The following ZNF169 variants were observed in gnomAD, a reference collection of about 807,000 sequenced individuals.
ZNF169 encodes the protein zinc finger protein 169.
A neutral mutation model predicts 12.0 loss-of-function variants in ZNF169; 11 were observed. The ratio of observed to expected loss-of-function variants is 0.92; its 90% CI spans 0.58 to 1.52. The LOEUF (loss-of-function observed/expected upper bound fraction) is 1.52. Among genes scored for constraint, ZNF169 ranks in the 40% most tolerant of loss-of-function variants. The probability of loss-of-function intolerance (pLI) is 0.00; values close to 1 mark genes in which losing one functional copy is unlikely to be tolerated. For missense variants in ZNF169, 722 were observed against 744.0 expected (o/e 0.97, Z 0.34); for synonymous variants, 302 against 286.5 (o/e 1.05, Z -0.55).
intron 2 of ZNF169, among the ~76,000 whole-genome samples, chr9:94,290,172 A>G (rs527784068): frequency 6.6e-6 from 1 of 152,358 alleles, no homozygotes; most frequent in South Asian, 2.1e-4. Context: ...TTCAACAACC[A>G]TTTGTAAACA....
chr9:94,293,476 G>A (rs1830890576), intron 4 of ZNF169: 3 of 429,412 alleles, frequency 7.0e-6, no homozygotes, highest in Non-Finnish European at 1.2e-5. Flanking sequence ...GAGTGCAATG[G>A]CATGATCTCG....
intron 4 of ZNF169, chr9:94,299,534 A>C (rs1191946337): frequency 1.5e-6 from 2 of 1,332,492 alleles, no homozygotes; most frequent in Non-Finnish European, 1.9e-6. Flanking sequence ...GAGCTGGAGC[A>C]AAAGCAAGGG....
chr9:94,260,969 G>C (rs1830195423), intron 1 of ZNF169, among the ~76,000 whole-genome samples: 1 of 151,176 alleles, frequency 6.6e-6, no homozygotes, highest in Non-Finnish European at 1.5e-5. Context: ...ACAGGCGCCC[G>C]CCACCACGCC....
At chr9:94,268,747 C>A (rs561782711) in intron 1 of ZNF169, among the ~76,000 whole-genome samples, 6 of 149,384 alleles carry the variant, frequency 4.0e-5, no homozygotes, top group African/African-American at 1.5e-4. Flanking sequence ...GATCACACCA[C>A]CGCACTCCAG....
At chr9:94,259,919 A>C (rs1385285971) in intron 1 of ZNF169, among the ~76,000 whole-genome samples, 1 of 152,010 alleles carries the variant, frequency 6.6e-6, no homozygotes, top group African/African-American at 2.4e-5. Flanking sequence ...TTTATTTTTG[A>C]AACAGAGTCT....
chr9:94,261,360 G>T (rs969737726), intron 1 of ZNF169, among the ~76,000 whole-genome samples: 7 of 152,120 alleles, frequency 4.6e-5, no homozygotes, highest in African/African-American at 1.7e-4. Flanking sequence ...GGCTGGTCTT[G>T]AACTCCTGAC....
chr9:94,299,051 A>AT (rs1831004249), intron 4 of ZNF169, among the ~76,000 whole-genome samples: 1 of 152,192 alleles, frequency 6.6e-6, no homozygotes, highest in African/African-American at 2.4e-5. Flanking sequence ...AATTCACCAG[A>AT]TTTTTTTAAA....
chr9:94,298,455 C>A (rs548078874), intron 4 of ZNF169, among the ~76,000 whole-genome samples: 2 of 151,990 alleles, frequency 1.3e-5, no homozygotes, highest in East Asian at 1.9e-4. Context: ...CCGAGGCAGG[C>A]GGATCACCTA....
chr9:94,260,797 G>A (rs954538874), intron 1 of ZNF169, among the ~76,000 whole-genome samples: 9 of 149,808 alleles, frequency 6.0e-5, no homozygotes, highest in Non-Finnish European at 1.3e-4. Context: ...TTGGGTGGAA[G>A]GCATCCAAAC....
At chr9:94,261,766 A>G (rs1421014118) in intron 1 of ZNF169, among the ~76,000 whole-genome samples, 1 of 152,204 alleles carries the variant, frequency 6.6e-6, no homozygotes, top group Non-Finnish European at 1.5e-5. Flanking sequence ...CTTGTGTATG[A>G]CACTTCTCTG....
chr9:94,263,438 TTTCTC>T (rs1257344877), intron 1 of ZNF169, among the ~76,000 whole-genome samples: 1 of 152,180 alleles, frequency 6.6e-6, no homozygotes, highest in Non-Finnish European at 1.5e-5. Flanking sequence ...TGTTATCTCT[TTTCTC>T]ATTCATTTTC....
Position 94,300,916 on chromosome 9 carries a change from CA to C in ZNF169, c.1359del (p.Glu455ArgfsTer61). On this transcript the variant is annotated frameshift_variant, in exon 5 of 5. Coordinates refer to ENST00000395395, the MANE Select transcript of ZNF169 (RefSeq NM_194320.4). LOFTEE classifies it low-confidence loss of function (END_TRUNC). The stretch of plus-strand genomic sequence containing the variant: ...CTCATTGGACACCAGAGGACACACA[CA>C]GGGGAGAAGCCCTACCTGTGCCCTG... The part of the protein sequence containing the change: ...VTLIGHQRTH[T>X]GEKPYLCPDC... 1 of 1,613,810 alleles carries C rather than the reference CA, an allele frequency of 6.2e-7. No homozygotes were observed. Among genetic ancestry groups the C allele is most frequent in the Admixed American group, 1.7e-5 (1 of 59,972 alleles).
intron 1 of ZNF169, among the ~76,000 whole-genome samples, chr9:94,272,491 AT>A (rs1242764782): frequency 6.6e-6 from 1 of 152,074 alleles, no homozygotes; most frequent in African/African-American, 2.4e-5. Context: ...TTCTGTTTCT[AT>A]CAGTTTAATT....
rs1386905597 is a variant in ZNF169, at chr9:94,288,643, G to T, written c.34-3698G>T. 12 of 373,584 alleles carry T rather than the reference G, an allele frequency of 3.2e-5. No individual in the cohort carries two copies. The East Asian group carries it at 8.1e-4, about 25-fold the overall frequency. 23.1% of individuals were successfully genotyped at this position (373,584 alleles called of 1,614,324 possible). ...TCCCTCATGCTATTTTTGTGATCCTGAGTTCTCACGAGATCTGATAGTTTA... is the reference window on the plus strand; with the variant it reads ...TCCCTCATGCTATTTTTGTGATCCTTAGTTCTCACGAGATCTGATAGTTTA... On this transcript the variant is annotated intron_variant, in intron 2 of 4. Transcript: ENST00000395395.
At chr9:94,261,266 G>A (rs1312065567) in intron 1 of ZNF169, among the ~76,000 whole-genome samples, 2 of 151,738 alleles carry the variant, frequency 1.3e-5, no homozygotes, top group Admixed American at 6.6e-5. Context: ...CTCGTGATCC[G>A]CCCGCCTCGG....
chr9:94,292,607 TTGTGTGTG>T (rs138361295), intron 3 of ZNF169, 140 bp downstream of exon 3: 99,454 of 678,116 alleles, frequency 0.15, 3,485 homozygotes, highest in Middle Eastern at 0.21. Flanking sequence ...CACAGTGCAG[TTGTGTGTG>T]TGTGTGTGTG....
Position 94,292,386 on chromosome 9 carries a change from G to T in ZNF169, c.79G>T (p.Glu27Ter). The T allele has an allele frequency of 6.2e-7, 1 of 1,614,192 alleles. No homozygotes were observed. The highest frequency in any genetic ancestry group is 8.5e-7 in the Non-Finnish European group (1 of 1,180,022). ...RDVAVAFTQK[E>*]WKLLSSAQRT... ...TGTGGCTGTGGCCTTCACCCAGAAGGAGTGGAAGCTATTGAGTTCTGCTCA... is the reference window on the plus strand; with the variant it reads ...TGTGGCTGTGGCCTTCACCCAGAAGTAGTGGAAGCTATTGAGTTCTGCTCA... The change falls in exon 3 of 5, where the codon GAG becomes TAG. Residue 27 changes from glutamate (E) to a stop codon, truncating the protein, a stop_gained. Coordinates refer to ENST00000395395, the MANE Select transcript of ZNF169 (RefSeq NM_194320.4). LOFTEE classifies it high-confidence loss of function.
intron 1 of ZNF169, among the ~76,000 whole-genome samples, chr9:94,261,079 T>C (rs1183001981): frequency 6.6e-6 from 1 of 151,758 alleles, no homozygotes; most frequent in African/African-American, 2.4e-5. Context: ...GTCGCCAGGC[T>C]GGAGTGCAGT....
chr9:94,301,081 A>T lies in ZNF169; in HGVS notation c.1523A>T (p.His508Leu). The T allele has an allele frequency of 6.2e-7, 1 of 1,614,168 alleles. No individual in the cohort carries two copies. The highest frequency in any genetic ancestry group is 8.5e-7 in the Non-Finnish European group (1 of 1,180,034). ...KSLLTRHQRT[H>L]SEEELYVDRV... ...CTCCTCACCCGACACCAGAGGACAC[A>T]CTCAGAGGAGGAGCTTTACGTAGAC... The change falls in exon 5 of 5, where the codon CAC becomes CTC. Residue 508 changes from histidine to leucine, a missense_variant. By Grantham distance (99) the His-to-Leu change is moderately conservative (BLOSUM62 -3). Coordinates refer to ENST00000395395, the MANE Select transcript of ZNF169 (RefSeq NM_194320.4).
Sources: allele counts gnomAD v4.1 joint callset (sites outside exome capture counted in the v4.1 genomes callset), GRCh38; gene constraint gnomAD v4.1.1; transcripts MANE v1.5; gene names NCBI Gene and HGNC (gene_info 2026-07-23, HGNC 2026-07-21).